CACNA2D3: variants seen among roughly 807,000 people sequenced by gnomAD.
CACNA2D3 encodes voltage-dependent calcium channel subunit alpha-2/delta-3.
CACNA2D3 carries 60 observed loss-of-function variants against 160.6 expected under a neutral mutation model. The observed-to-expected ratio is 0.37, with a 90% CI of 0.30 to 0.46. The LOEUF is 0.46. CACNA2D3 is among the 20% of genes least tolerant of loss of function. The pLI, the probability that CACNA2D3 is intolerant of heterozygous loss-of-function variation, is 1.00. For missense variants in CACNA2D3, 1,205 were observed against 1,365.0 expected (o/e 0.88, Z 1.85); for synonymous variants, 558 against 492.9 (o/e 1.13, Z -1.75).
intron 8 of CACNA2D3, among the ~76,000 whole-genome samples, chr3:54,572,816 C>G (rs1219648318): frequency 1.3e-5 from 2 of 152,190 alleles, no homozygotes; most frequent in South Asian, 2.1e-4. Context: ...TCTTATTAAT[C>G]TTTAATTACT....
At chr3:54,742,278 T>G (rs1332176561) in intron 11 of CACNA2D3, among the ~76,000 whole-genome samples, 2 of 151,954 alleles carry the variant, frequency 1.3e-5, no homozygotes, top group Non-Finnish European at 1.5e-5. Flanking sequence ...AATTAGCCAA[T>G]GTGGTGGTGC....
intron 16 of CACNA2D3, among the ~76,000 whole-genome samples, chr3:54,844,707 A>G (rs1403366587): frequency 1.3e-5 from 2 of 152,164 alleles, no homozygotes; most frequent in African/African-American, 2.4e-5. Flanking sequence ...AACCCCACAG[A>G]TAATTGATTA....
At chr3:54,531,679 G>A (rs1701807162) in intron 5 of CACNA2D3, among the ~76,000 whole-genome samples, 1 of 152,222 alleles carries the variant, frequency 6.6e-6, no homozygotes, top group South Asian at 2.1e-4. Flanking sequence ...GGTTCGGAAT[G>A]TCGGAAGTCA....
At chr3:54,387,460 T>C (rs1699207035) in intron 4 of CACNA2D3, among the ~76,000 whole-genome samples, 1 of 152,176 alleles carries the variant, frequency 6.6e-6, no homozygotes, top group Non-Finnish European at 1.5e-5. Context: ...GAGACCAGCC[T>C]GGCCAACATG....
intron 9 of CACNA2D3, among the ~76,000 whole-genome samples, chr3:54,610,889 A>C (rs2106788556): frequency 6.6e-6 from 1 of 152,296 alleles, no homozygotes; most frequent in African/African-American, 2.4e-5. Flanking sequence ...TTGGCCTCCC[A>C]AAATGCTGGG....
At chr3:54,848,596 A>G (rs150624095) in intron 17 of CACNA2D3, among the ~76,000 whole-genome samples, 203 of 152,316 alleles carry the variant, frequency 1.3e-3, no homozygotes, top group African/African-American at 4.6e-3. Flanking sequence ...GGTGATACCA[A>G]CCGTTAAGCA....
At chr3:54,650,836 C>A (rs921953418) in intron 11 of CACNA2D3, among the ~76,000 whole-genome samples, 4 of 152,158 alleles carry the variant, frequency 2.6e-5, no homozygotes, top group African/African-American at 9.7e-5. Flanking sequence ...ATTTCTTATA[C>A]CCCAATTTAT....
chr3:54,599,727 C>A (rs1051804155), intron 9 of CACNA2D3, among the ~76,000 whole-genome samples: 3 of 152,152 alleles, frequency 2.0e-5, no homozygotes, highest in African/African-American at 7.2e-5. Flanking sequence ...TTAATTATTT[C>A]TGTGGGATTA....
At chr3:54,245,071 A>C (rs1008557324) in intron 2 of CACNA2D3, among the ~76,000 whole-genome samples, 1 of 152,182 alleles carries the variant, frequency 6.6e-6, no homozygotes, top group Non-Finnish European at 1.5e-5. Flanking sequence ...GCCAGTTTAC[A>C]CCTGTTGTCA....
At chr3:54,456,722 T>A (rs995167756) in intron 4 of CACNA2D3, among the ~76,000 whole-genome samples, 2 of 151,896 alleles carry the variant, frequency 1.3e-5, no homozygotes, top group African/African-American at 4.8e-5. Context: ...GTGAAACCAC[T>A]CGGTCCCGGG....
At chr3:54,606,215 G>GT (rs1698622541) in intron 9 of CACNA2D3, among the ~76,000 whole-genome samples, 1 of 151,932 alleles carries the variant, frequency 6.6e-6, no homozygotes, top group Non-Finnish European at 1.5e-5. Context: ...TTGGCTTCTT[G>GT]TTTTATACTT....
At chr3:54,829,769 T>C (rs542165199) in intron 14 of CACNA2D3, among the ~76,000 whole-genome samples, 5 of 151,948 alleles carry the variant, frequency 3.3e-5, no homozygotes, top group Non-Finnish European at 5.9e-5. Flanking sequence ...GCCAAGGAGT[T>C]GGTGTCCCTT....
intron 3 of CACNA2D3, among the ~76,000 whole-genome samples, chr3:54,361,181 G>A (rs1292343301): frequency 6.6e-6 from 1 of 151,464 alleles, no homozygotes; most frequent in Non-Finnish European, 1.5e-5. Flanking sequence ...GGAAGGTTAA[G>A]TACCAAGCAA....
intron 27 of CACNA2D3, among the ~76,000 whole-genome samples, chr3:54,956,262 C>T (rs1467074150): frequency 1.3e-5 from 2 of 152,324 alleles, no homozygotes; most frequent in African/African-American, 2.4e-5. Flanking sequence ...TGAGCAGACC[C>T]GTAAGCGCAT....
At chr3:54,276,983 T>G (rs1273331342) in intron 2 of CACNA2D3, among the ~76,000 whole-genome samples, 2 of 152,218 alleles carry the variant, frequency 1.3e-5, no homozygotes, top group East Asian at 3.9e-4. Context: ...CTTCTTGTTG[T>G]ACATCTCCAG....
rs561485541 is a variant in CACNA2D3, at chr3:54,460,436, C to T, written c.382-43056C>T. ...GGAATGTTCTTCCATTTGTTTGTAT[C>T]CTCATTTATTTCATTGAGCAGTGGT... On this transcript the variant is annotated intron_variant, in intron 4 of 37. Coordinates refer to ENST00000474759, the MANE Select transcript of CACNA2D3 (RefSeq NM_018398.3). Among the ~76,000 whole-genome samples the T allele has an allele frequency of 6.4e-4, 97 of 152,226 alleles. No individual in the cohort carries two copies. The Middle Eastern group carries it at 0.017, about 27-fold the overall frequency.
intron 35 of CACNA2D3, among the ~76,000 whole-genome samples, chr3:55,021,937 G>T (rs1222442986): frequency 6.6e-6 from 1 of 151,826 alleles, no homozygotes; most frequent in Non-Finnish European, 1.5e-5. Flanking sequence ...TCCAGTCCTT[G>T]TCCACATGTT....
chr3:54,811,302 G>A (rs1403311617), intron 13 of CACNA2D3, among the ~76,000 whole-genome samples: 1 of 151,724 alleles, frequency 6.6e-6, no homozygotes, highest in Admixed American at 6.6e-5. Flanking sequence ...TCAGTAAATG[G>A]CAGCTCTGTT....
intron 5 of CACNA2D3, among the ~76,000 whole-genome samples, chr3:54,543,245 G>T (rs550197417): frequency 6.6e-6 from 1 of 152,284 alleles, no homozygotes; most frequent in East Asian, 1.9e-4. Flanking sequence ...GGAACAAAAA[G>T]GTCGGAGGGT....
Sources: allele counts gnomAD v4.1 joint callset (sites outside exome capture counted in the v4.1 genomes callset), GRCh38; gene constraint gnomAD v4.1.1; transcripts MANE v1.5; gene names NCBI Gene and HGNC (gene_info 2026-07-23, HGNC 2026-07-21).